The following TAOK3 variants were observed in gnomAD, a reference collection of about 807,000 sequenced individuals.
The protein encoded by TAOK3 is serine/threonine-protein kinase TAO3.
TAOK3 carries 40 observed loss-of-function variants against 120.4 expected under a neutral mutation model. That is an observed-to-expected ratio of 0.33 (90% CI 0.26 to 0.43). The LOEUF (loss-of-function observed/expected upper bound fraction) is 0.43, where lower values mean the gene tolerates loss of function less well. Among genes scored for constraint, TAOK3 ranks in the 20% least tolerant of loss-of-function variants. TAOK3 has a pLI of 1.00. For synonymous variants in TAOK3, 355 were observed against 387.5 expected (o/e 0.92, Z 0.99); for missense variants, 821 against 1,112.1 (o/e 0.74, Z 3.72).
chr12:118,364,501 T>A (rs1301676225), intron 1 of TAOK3, among the ~76,000 whole-genome samples: 1 of 152,218 alleles, frequency 6.6e-6, no homozygotes, highest in Non-Finnish European at 1.5e-5. Flanking sequence ...TTTCCCTATG[T>A]ATGAATCTAT....
intron 1 of TAOK3, among the ~76,000 whole-genome samples, chr12:118,320,622 C>G (rs866852339): frequency 6.6e-6 from 1 of 152,050 alleles, no homozygotes; most frequent in African/African-American, 2.4e-5. Context: ...AGACTATAAG[C>G]TATTGAGACC....
intron 15 of TAOK3, among the ~76,000 whole-genome samples, chr12:118,179,643 G>GTTT (rs566111629): frequency 3.2e-4 from 39 of 123,626 alleles, no homozygotes; most frequent in African/African-American, 1.0e-3. Context: ...TTACCCTTCT[G>GTTT]TTTTTTTTTT....
At chr12:118,182,654 A>G (rs2036836985) in intron 14 of TAOK3, among the ~76,000 whole-genome samples, 1 of 132,508 alleles carries the variant, frequency 7.5e-6, no homozygotes. Flanking sequence ...TCATGTCTCT[A>G]ACAGTCATAG....
At chr12:118,151,253 C>T in intron 20 of TAOK3, 95 bp from the exon 21 acceptor site, 1 of 1,279,872 alleles carries the variant, frequency 7.8e-7, no homozygotes, top group Admixed American at 2.0e-5. Context: ...ATGACATGCA[C>T]ACACACATAG....
At chr12:118,341,762 T>C (rs1220280888) in intron 1 of TAOK3, among the ~76,000 whole-genome samples, 1 of 152,208 alleles carries the variant, frequency 6.6e-6, no homozygotes, top group Non-Finnish European at 1.5e-5. Context: ...GGCTAATGCC[T>C]GTAATAATCC....
At chr12:118,357,674 G>A (rs976627846) in intron 1 of TAOK3, among the ~76,000 whole-genome samples, 1 of 152,102 alleles carries the variant, frequency 6.6e-6, no homozygotes. Flanking sequence ...CTGTCATCAC[G>A]AAGCACCACC....
chr12:118,172,887 A>G (rs1430900362), intron 16 of TAOK3, among the ~76,000 whole-genome samples: 1 of 152,190 alleles, frequency 6.6e-6, no homozygotes, highest in African/African-American at 2.4e-5. Flanking sequence ...ACTAACAGAA[A>G]TTATTTGTTC....
intron 1 of TAOK3, among the ~76,000 whole-genome samples, chr12:118,280,045 G>A (rs2042042355): frequency 1.3e-5 from 2 of 150,260 alleles, no homozygotes; most frequent in Admixed American, 1.3e-4. Flanking sequence ...GATTACAGGC[G>A]TGAGCCACCG....
At chr12:118,355,331 G>A (rs955954223) in intron 1 of TAOK3, among the ~76,000 whole-genome samples, 17 of 152,306 alleles carry the variant, frequency 1.1e-4, no homozygotes, top group East Asian at 5.8e-4. Flanking sequence ...AACACACTCT[G>A]CTGAGAAAAT....
rs545908549 is a variant in TAOK3 at position 118,161,008 on chromosome 12, G to A, written c.2140-650C>T. On this transcript the variant is annotated intron_variant, in intron 18 of 20. Coordinates refer to ENST00000392533, the MANE Select transcript of TAOK3 (RefSeq NM_016281.4). This position sits in a 1 kb window ranked among gnomAD's most constrained non-coding sequence, Gnocchi z 4.5. ...TATGCATTTGGGCAAAGAGAAGGTA[G>A]AGTATATTATTTTGAGCCCAGAAGG... 3.3e-5 allele frequency among the ~76,000 whole-genome samples: 5 copies of A among 152,372 alleles called. No individual in the cohort carries two copies. In the South Asian group the frequency reaches 8.3e-4, roughly 25 times the overall value.
chr12:118,181,716 C>A, intron 14 of TAOK3, 109 bp from the exon 15 acceptor site: 1 of 877,694 alleles, frequency 1.1e-6, no homozygotes, highest in Non-Finnish European at 1.8e-6. Flanking sequence ...CCTTCACCAT[C>A]AATTTACCTA....
At chr12:118,180,036 C>T (rs1207978830) in intron 15 of TAOK3, among the ~76,000 whole-genome samples, 1 of 151,004 alleles carries the variant, frequency 6.6e-6, no homozygotes, top group African/African-American at 2.4e-5. Context: ...CAACCTCTGC[C>T]TCCCAGGTTC....
intron 14 of TAOK3, among the ~76,000 whole-genome samples, chr12:118,182,623 ATTTT>A (rs1555215274): frequency 2.4e-4 from 22 of 92,382 alleles, no homozygotes; most frequent in East Asian, 7.2e-4. Flanking sequence ...ATATATATAT[ATTTT>A]TTTTTTTTTT....
chr12:118,205,684 C>T (rs531903084), intron 11 of TAOK3, among the ~76,000 whole-genome samples: 27 of 152,270 alleles, frequency 1.8e-4, no homozygotes, highest in African/African-American at 5.5e-4. Flanking sequence ...AATCTCAGCT[C>T]GCTGCAAACT....
At chr12:118,323,383 TAAA>T (rs1474575788) in intron 1 of TAOK3, among the ~76,000 whole-genome samples, 1 of 151,932 alleles carries the variant, frequency 6.6e-6, no homozygotes, top group Middle Eastern at 3.2e-3. Flanking sequence ...GTAGTCAAAG[TAAA>T]AAAATGTACA....
chr12:118,312,081 A>T (rs905163901), intron 1 of TAOK3, among the ~76,000 whole-genome samples: 1 of 152,182 alleles, frequency 6.6e-6, no homozygotes, highest in Non-Finnish European at 1.5e-5. Context: ...TAAATTATAG[A>T]TTTGAAAGAT....
At position 118,266,762 on chromosome 12, in the gene TAOK3, A is replaced by G. The variant is rs1278784165; in HGVS notation, c.-193-3T>C. ...GTCCTTTGTATTTATGATGCAACCTATAGAAAAAGAAGAACAAAATACATA... is the reference window on the plus strand; with the variant it reads ...GTCCTTTGTATTTATGATGCAACCTGTAGAAAAAGAAGAACAAAATACATA... On this transcript the variant is annotated splice_region_variant and splice_polypyrimidine_tract_variant and intron_variant, in intron 1 of 20. Coordinates refer to ENST00000392533, the MANE Select transcript of TAOK3 (RefSeq NM_016281.4). The G allele has an allele frequency of 1.3e-5, 5 of 396,940 alleles. 1 individual carries two copies. The highest frequency in any genetic ancestry group is 2.2e-5 in the Non-Finnish European group (5 of 225,100). The allele number at this position is 396,940 out of a possible 1,614,324, so 24.6% of individuals were successfully genotyped here. A position where few individuals can be genotyped will look rare whatever the true frequency, so the allele number is the denominator to read the frequency against.
chr12:118,364,802 G>C (rs2141315621), intron 1 of TAOK3, among the ~76,000 whole-genome samples: 1 of 152,282 alleles, frequency 6.6e-6, no homozygotes, highest in Admixed American at 6.5e-5. Flanking sequence ...CTACTCCAGA[G>C]GCTGAGGCAG....
In TAOK3 at chr12:118,244,618, TC is replaced by T. The variant is rs2040406671; in HGVS notation, c.192+275del. Reference sequence around the variant, plus strand: ...ATCTCGGCTCACTGCAAGCTCCGCCTCCCGGGTTCACGCCATTCTCCTGCCT... The same window carrying T: ...ATCTCGGCTCACTGCAAGCTCCGCCTCCGGGTTCACGCCATTCTCCTGCCT... On this transcript the variant is annotated intron_variant, in intron 4 of 20. Coordinates refer to ENST00000392533, the MANE Select transcript of TAOK3 (RefSeq NM_016281.4). 2.1e-5 allele frequency among the ~76,000 whole-genome samples: 3 copies of T among 143,228 alleles called. No homozygotes were observed. The Admixed American group carries it at 2.3e-4, about 11-fold the overall frequency. 94.0% of individuals were successfully genotyped at this position (143,228 alleles called of 152,430 possible). A position where few individuals can be genotyped will look rare whatever the true frequency, so the allele number is the denominator to read the frequency against.
Sources: gnomAD v4.1 joint callset for allele counts (sites outside exome capture counted in the v4.1 genomes callset) on GRCh38, gnomAD v4.1.1 for gene constraint, Gnocchi (gnomAD v3.1) non-coding constraint, MANE v1.5 for transcripts, NCBI Gene and HGNC (gene_info 2026-07-23, HGNC 2026-07-21) for gene names.